The following DIP2C variants were observed in gnomAD, a reference collection of about 807,000 sequenced individuals.
DIP2C encodes disco-interacting protein 2 homolog C.
A neutral mutation model predicts 192.4 loss-of-function variants in DIP2C; 33 were observed. The ratio of observed to expected loss-of-function variants is 0.17; its 90% confidence interval spans 0.13 to 0.23. DIP2C has a LOEUF of 0.23. Ranked by LOEUF, DIP2C falls within the 10% of genes least tolerant of loss-of-function variation. The probability of loss-of-function intolerance (pLI) is 1.00; values close to 1 mark genes in which losing one functional copy is unlikely to be tolerated. For missense variants in DIP2C, 1,537 were observed against 2,110.1 expected, an observed-to-expected ratio of 0.73 and a Z score of 5.32; for synonymous variants, 979 against 864.1, an observed-to-expected ratio of 1.13 and a Z score of -2.33.
At chr10:397,527 CAA>C (rs370992251) in intron 10 of DIP2C, among the ~76,000 whole-genome samples, 22 of 132,074 alleles carry the variant, frequency 1.7e-4, no homozygotes, top group African/African-American at 4.4e-4. Context: ...GACTCCATCT[CAA>C]AAAAAAAAAA....
chr10:533,984 T>G (rs1847557395), intron 1 of DIP2C, among the ~76,000 whole-genome samples: 1 of 143,994 alleles, frequency 6.9e-6, no homozygotes, highest in African/African-American at 2.7e-5. Context: ...CTGAAGGAAT[T>G]AGGGTTTGAC....
At chr10:475,677 T>C (rs552467747) in intron 2 of DIP2C, among the ~76,000 whole-genome samples, 1 of 152,214 alleles carries the variant, frequency 6.6e-6, no homozygotes, top group African/African-American at 2.4e-5. Context: ...AAGAACTAGC[T>C]TCTACAGGTT....
intron 32 of DIP2C, among the ~76,000 whole-genome samples, chr10:304,448 T>C (rs565851605): frequency 2.0e-5 from 3 of 152,242 alleles, no homozygotes; most frequent in African/African-American, 7.2e-5. Flanking sequence ...CAGCTCTCAG[T>C]CTGCTAAGAC....
intron 7 of DIP2C, among the ~76,000 whole-genome samples, chr10:414,852 TTG>T (rs748231177): frequency 0.067 from 6,658 of 98,658 alleles, 458 homozygotes; most frequent in Middle Eastern, 0.079. Context: ...ACATATATAT[TTG>T]TGTGTGTGTG....
At chr10:314,690 A>G (rs1026258542) in intron 31 of DIP2C, among the ~76,000 whole-genome samples, 3 of 152,170 alleles carry the variant, frequency 2.0e-5, no homozygotes, top group African/African-American at 7.2e-5. Context: ...ACCTTAGACT[A>G]GGTAACGGCT....
intron 1 of DIP2C, among the ~76,000 whole-genome samples, chr10:554,867 G>C (rs1316353209): frequency 7.4e-6 from 1 of 134,374 alleles, no homozygotes; most frequent in African/African-American, 3.8e-5. Context: ...AGTGATGCAG[G>C]TGTGCCCGAG....
intron 1 of DIP2C, among the ~76,000 whole-genome samples, chr10:532,654 AGAGAG>A (rs1847459425): frequency 4.0e-5 from 4 of 99,338 alleles, no homozygotes; most frequent in East Asian, 5.0e-4. Context: ...TGGGTGTGAG[AGAGAG>A]TATGGGTGTG....
At chr10:552,588 C>T (rs191418008) in intron 1 of DIP2C, among the ~76,000 whole-genome samples, 3 of 152,240 alleles carry the variant, frequency 2.0e-5, no homozygotes, top group Admixed American at 1.3e-4. Context: ...CAGTGGTTCA[C>T]GCCTGTAATC....
intron 1 of DIP2C, among the ~76,000 whole-genome samples, chr10:510,729 TAAC>T (rs1326302016): frequency 6.6e-6 from 1 of 152,234 alleles, no homozygotes; most frequent in Non-Finnish European, 1.5e-5. Context: ...ACTGTGACGT[TAAC>T]AGCAGCCTGC....
At chr10:435,382 G>A (rs1475882437) in intron 4 of DIP2C, among the ~76,000 whole-genome samples, 1 of 152,190 alleles carries the variant, frequency 6.6e-6, no homozygotes, top group Non-Finnish European at 1.5e-5. Flanking sequence ...ATTCTTCCCT[G>A]ATATTTACTT....
At chr10:452,215 C>T (rs1968906735) in intron 3 of DIP2C, among the ~76,000 whole-genome samples, 1 of 152,144 alleles carries the variant, frequency 6.6e-6, no homozygotes, top group Admixed American at 6.5e-5. Context: ...CTGCTTTAAC[C>T]GGAAATCAGT....
chr10:619,511 T>G (rs951566032), intron 1 of DIP2C, among the ~76,000 whole-genome samples: 103 of 119,262 alleles, frequency 8.6e-4, no homozygotes, highest in Admixed American at 4.2e-3. Flanking sequence ...ACAGGCTTTA[T>G]GCCAGGGCCA....
chr10:448,639 ACACAG>A (rs1242127519), intron 3 of DIP2C, among the ~76,000 whole-genome samples: 13 of 117,244 alleles, frequency 1.1e-4, no homozygotes, highest in African/African-American at 4.1e-4. Flanking sequence ...TCAGGATCAC[ACACAG>A]TGGGGCAAGC....
chr10:579,946 G>A (rs569467924), intron 1 of DIP2C, among the ~76,000 whole-genome samples: 3 of 151,716 alleles, frequency 2.0e-5, no homozygotes, highest in African/African-American at 4.9e-5. Context: ...TAACATGTAT[G>A]TACATGAATA....
At chr10:627,465 T>A (rs188491717) in intron 1 of DIP2C, among the ~76,000 whole-genome samples, 3 of 152,218 alleles carry the variant, frequency 2.0e-5, no homozygotes, top group South Asian at 2.1e-4. Context: ...GGCATCTTCT[T>A]GGCAACCTCG....
intron 3 of DIP2C, among the ~76,000 whole-genome samples, chr10:467,828 A>G (rs1970343739): frequency 6.6e-6 from 1 of 152,200 alleles, no homozygotes; most frequent in African/African-American, 2.4e-5. Context: ...CAGGAGGGAT[A>G]GCATTAGGAG....
At chr10:280,785 C>T (rs146215930) in intron 36 of DIP2C, among the ~76,000 whole-genome samples, 124 of 152,324 alleles carry the variant, frequency 8.1e-4, no homozygotes, top group African/African-American at 2.7e-3. Flanking sequence ...TCTGGACAAA[C>T]GCTGCCTCTC....
intron 1 of DIP2C, among the ~76,000 whole-genome samples, chr10:657,245 A>C (rs1327116367): frequency 1.3e-5 from 1 of 76,214 alleles, no homozygotes; most frequent in Non-Finnish European, 2.6e-5. Context: ...CTGCCGCTGG[A>C]CCTGATGCTG....
chr10:358,546 C>T (rs1002111378), intron 22 of DIP2C, among the ~76,000 whole-genome samples: 4 of 109,336 alleles, frequency 3.7e-5, no homozygotes, highest in African/African-American at 1.5e-4. Flanking sequence ...AAAGTCATCG[C>T]TTATCCATGA....
Sources: allele counts gnomAD v4.1 joint callset (sites outside exome capture counted in the v4.1 genomes callset), GRCh38; gene constraint gnomAD v4.1.1; transcripts MANE v1.5; gene names NCBI Gene and HGNC (gene_info 2026-07-23, HGNC 2026-07-21).